Variants in BRIP1 observed in about 807,000 individuals in gnomAD.
BRIP1 encodes the protein BRCA1 interacting DNA helicase 1.
Under a neutral mutation model 119.7 loss-of-function variants are expected in BRIP1, and 88 were observed. That is an observed-to-expected ratio of 0.74 (90% CI 0.62 to 0.88). BRIP1 has a LOEUF of 0.88. BRIP1 is among the 40% of genes least tolerant of loss of function. BRIP1 has a pLI of 0.00. For synonymous variants in BRIP1, 443 were observed against 496.5 expected (o/e 0.89, Z 1.43); for missense variants, 1,259 against 1,455.4 (o/e 0.87, Z 2.20).
chr17:61,681,335 C>T lies in BRIP1; in HGVS notation c.*1961G>A, dbSNP rs2061266847. 4.8e-6 allele frequency: 1 copy of T among 210,394 alleles called. No homozygotes were observed. Among genetic ancestry groups the T allele is most frequent in the African/African-American group, 2.3e-5 (1 of 44,046 alleles). 13.0% of individuals were successfully genotyped at this position (210,394 alleles called of 1,614,324 possible). On this transcript the variant is annotated 3_prime_UTR_variant, in exon 20 of 20. Coordinates refer to ENST00000259008, the MANE Select transcript of BRIP1 (RefSeq NM_032043.3). This position sits in a 1 kb window ranked among gnomAD's most constrained non-coding sequence, Gnocchi z 5.1. Reference sequence around the variant, plus strand: ...GAACAAAAGCAAATGAAAATCGACTCAGAATATCAACAGACATTCCTTTAT... The same window carrying T: ...GAACAAAAGCAAATGAAAATCGACTTAGAATATCAACAGACATTCCTTTAT...
chr17:61,788,948 G>A lies in BRIP1; in HGVS notation c.1474-4524C>T, dbSNP rs574973390. 7.2e-5 allele frequency among the ~76,000 whole-genome samples: 11 copies of A among 152,078 alleles called. No individual in the cohort carries two copies. In the East Asian group the frequency reaches 1.4e-3, roughly 19 times the overall value. ...GTCTCTACAAAAAAATACAAAAAAT[G>A]AGCCAGGTGTGGTGGCATGCTTGTG... is the stretch of plus-strand genomic sequence containing the variant. On this transcript the variant is annotated intron_variant, in intron 10 of 19. Transcript: ENST00000259008.
At chr17:61,692,438 TAAGAA>T (rs1479038395) in intron 18 of BRIP1, among the ~76,000 whole-genome samples, 1 of 151,844 alleles carries the variant, frequency 6.6e-6, no homozygotes, top group East Asian at 1.9e-4. Flanking sequence ...CCAAAATATA[TAAGAA>T]ACTCCTATAT....
intron 6 of BRIP1, among the ~76,000 whole-genome samples, chr17:61,820,131 T>TG: frequency 6.6e-6 from 1 of 152,190 alleles, no homozygotes; most frequent in Non-Finnish European, 1.5e-5. Flanking sequence ...AATGACTATT[T>TG]GGGGAAAAAA....
chr17:61,780,523 T>G lies in BRIP1; in HGVS notation c.1795-122A>C. The G allele has an allele frequency of 1.1e-6, 1 of 916,628 alleles. No homozygotes were observed. Among genetic ancestry groups the G allele is most frequent in the Non-Finnish European group, 1.7e-6 (1 of 572,190 alleles). 56.8% of individuals were successfully genotyped at this position (916,628 alleles called of 1,614,324 possible). A position where few individuals can be genotyped will look rare whatever the true frequency, so the allele number is the denominator to read the frequency against. On this transcript the variant is annotated intron_variant, in intron 12 of 19. Coordinates refer to ENST00000259008, the MANE Select transcript of BRIP1 (RefSeq NM_032043.3). This position sits in a 1 kb window ranked among gnomAD's most constrained non-coding sequence, Gnocchi z 5.4. ...CAGGAAGATCGCTTGAGTCTAGGAGTCTGAGACCAGCCTGGGCAATATGGT... is the reference window on the plus strand; with the variant it reads ...CAGGAAGATCGCTTGAGTCTAGGAGGCTGAGACCAGCCTGGGCAATATGGT...
In BRIP1 at chr17:61,808,494, CT is replaced by C. The variant is rs786202610; in HGVS notation, c.890del (p.Lys297SerfsTer6). 9 of 1,613,720 alleles carry C rather than the reference CT, an allele frequency of 5.6e-6. No homozygotes were observed. Among genetic ancestry groups the C allele is most frequent in the Non-Finnish European group, 7.6e-6 (9 of 1,179,668 alleles). On this transcript the variant is annotated frameshift_variant, in exon 7 of 20. Coordinates refer to ENST00000259008, the MANE Select transcript of BRIP1 (RefSeq NM_032043.3). LOFTEE classifies it high-confidence loss of function. The surrounding 1 kb of genome is among the most constrained non-coding windows in gnomAD (Gnocchi z 4.1). ...EVVGNFNRNEKCMELLDGKNG... is the reference protein window; with the variant it reads ...EVVGNFNRNEXCMELLDGKNG... Reference sequence around the variant, plus strand: ...TTTTCCCATCTAGCAATTCCATGCACTTCTCATTTCTGTTGAAGTTACCGAC... The same window carrying C: ...TTTTCCCATCTAGCAATTCCATGCACTCTCATTTCTGTTGAAGTTACCGAC...
At position 61,842,500 on chromosome 17, in the gene BRIP1, ACT is replaced by A. The variant is rs1216713080; in HGVS notation, c.627+4599_627+4600del. Among the ~76,000 whole-genome samples the A allele has an allele frequency of 6.6e-6, 1 of 152,198 alleles. No individual in the cohort carries two copies. The highest frequency in any genetic ancestry group is 1.9e-4 in the East Asian group (1 of 5,204). On this transcript the variant is annotated intron_variant, in intron 6 of 19. Coordinates refer to ENST00000259008, the MANE Select transcript of BRIP1 (RefSeq NM_032043.3). The surrounding 1 kb of genome is among the most constrained non-coding windows in gnomAD (Gnocchi z 5.1). ...GTTTGAGGCGATGGATATGTTAATTACTCTGATTTGATCATTACACATCATAT... is the reference window on the plus strand; with the variant it reads ...GTTTGAGGCGATGGATATGTTAATTACTGATTTGATCATTACACATCATAT...
chr17:61,696,155 T>C (rs537501435), intron 17 of BRIP1, among the ~76,000 whole-genome samples: 4 of 152,216 alleles, frequency 2.6e-5, no homozygotes, highest in African/African-American at 9.6e-5. Context: ...TCCCACTTTG[T>C]TGAGTATTTT....
At chr17:61,783,473 A>G (rs181897606) in intron 11 of BRIP1, among the ~76,000 whole-genome samples, 9 of 152,286 alleles carry the variant, frequency 5.9e-5, no homozygotes, top group Non-Finnish European at 8.8e-5. Flanking sequence ...AATCTCTGGA[A>G]ATGAGTACAA....
intron 10 of BRIP1, among the ~76,000 whole-genome samples, chr17:61,790,744 A>T (rs1284716792): frequency 6.6e-6 from 1 of 151,512 alleles, no homozygotes; most frequent in Non-Finnish European, 1.5e-5. Flanking sequence ...GGTTCAGGTG[A>T]TCCTCCTGCC....
rs575447651 is a variant in BRIP1 at position 61,733,624 on chromosome 17, T to A, written c.2379+9389A>T. On this transcript the variant is annotated intron_variant, in intron 16 of 19. Coordinates refer to ENST00000259008, the MANE Select transcript of BRIP1 (RefSeq NM_032043.3). ...CAATCATAAATGTAATTTTAAAAAATTGATTAAAATAATATATACCCAAAT... is the reference window on the plus strand; with the variant it reads ...CAATCATAAATGTAATTTTAAAAAAATGATTAAAATAATATATACCCAAAT... 2.2e-4 allele frequency among the ~76,000 whole-genome samples: 33 copies of A among 152,164 alleles called. No individual in the cohort carries two copies. The East Asian group carries it at 3.7e-3, about 17-fold the overall frequency.
In BRIP1 at chr17:61,762,011, C is replaced by A. The variant is rs182295635; in HGVS notation, c.2097+14390G>T. ...TCACACGACCTGATTCCAAACCACA[C>A]TGCAAAGCTATAGTAATTAAAACAG... On this transcript the variant is annotated intron_variant, in intron 14 of 19. Coordinates refer to ENST00000259008, the MANE Select transcript of BRIP1 (RefSeq NM_032043.3). This position sits in a 1 kb window ranked among gnomAD's most constrained non-coding sequence, Gnocchi z 4.3. Among the ~76,000 whole-genome samples the A allele has an allele frequency of 6.6e-6, 1 of 152,116 alleles. No individual in the cohort carries two copies. The highest frequency in any genetic ancestry group is 6.6e-5 in the Admixed American group (1 of 15,246).
Position 61,735,557 on chromosome 17 carries a change from C to T in BRIP1, c.2379+7456G>A, listed in dbSNP as rs985459869. 2.0e-5 allele frequency among the ~76,000 whole-genome samples: 3 copies of T among 149,634 alleles called. No homozygotes were observed. Among genetic ancestry groups the T allele is most frequent in the Non-Finnish European group, 3.0e-5 (2 of 67,246 alleles). Reference sequence around the variant, plus strand: ...TAATCCCAGCACTTTGGGAGGCTGACGCGGGTGGATTACTTGAGCTCAGGA... The same window carrying T: ...TAATCCCAGCACTTTGGGAGGCTGATGCGGGTGGATTACTTGAGCTCAGGA... On this transcript the variant is annotated intron_variant, in intron 16 of 19. Coordinates refer to ENST00000259008, the MANE Select transcript of BRIP1 (RefSeq NM_032043.3). This position sits in a 1 kb window ranked among gnomAD's most constrained non-coding sequence, Gnocchi z 4.4.
chr17:61,697,555 T>C (rs1264601108), intron 17 of BRIP1, among the ~76,000 whole-genome samples: 1 of 152,002 alleles, frequency 6.6e-6, no homozygotes, highest in Non-Finnish European at 1.5e-5. Context: ...AACTTCTCTG[T>C]ATTTTCTTTG....
At chr17:61,697,336 C>CAAAAAAAAAAA (rs55963888) in intron 17 of BRIP1, among the ~76,000 whole-genome samples, 2 of 59,142 alleles carry the variant, frequency 3.4e-5, no homozygotes, top group Non-Finnish European at 5.8e-5. Flanking sequence ...GACTCTGTCT[C>CAAAAAAAAAAA]AAAAAAAAAA....
At position 61,701,487 on chromosome 17, in the gene BRIP1, C is replaced by A. The variant is rs1312563680; in HGVS notation, c.2493-7975G>T. Reference sequence around the variant, plus strand: ...TATATTGGGGCATAATTTCAATCCTCAGCACTGTAGGTAATAACTCTGATC... The same window carrying A: ...TATATTGGGGCATAATTTCAATCCTAAGCACTGTAGGTAATAACTCTGATC... On this transcript the variant is annotated intron_variant, in intron 17 of 19. Transcript: ENST00000259008. The surrounding 1 kb of genome is among the most constrained non-coding windows in gnomAD (Gnocchi z 5.1). Among the ~76,000 whole-genome samples the A allele has an allele frequency of 6.6e-6, 1 of 152,182 alleles. No individual in the cohort carries two copies. Among genetic ancestry groups the A allele is most frequent in the Non-Finnish European group, 1.5e-5 (1 of 68,036 alleles).
Position 61,681,926 on chromosome 17 carries a change from C to G in BRIP1, c.*1370G>C. On this transcript the variant is annotated 3_prime_UTR_variant, in exon 20 of 20. Coordinates refer to ENST00000259008, the MANE Select transcript of BRIP1 (RefSeq NM_032043.3). This position sits in a 1 kb window ranked among gnomAD's most constrained non-coding sequence, Gnocchi z 5.1. ...GACCATACAGAATTCTTGGATAGCT[C>G]ATAAAATTTCAATTCAAATTACTCA... 5.0e-6 allele frequency: 1 copy of G among 199,286 alleles called. No individual in the cohort carries two copies. The allele number at this position is 199,286 out of a possible 1,614,324, so 12.3% of individuals were successfully genotyped here.
At position 61,687,432 on chromosome 17, in the gene BRIP1, ACCTAT is replaced by A. The variant is rs200564732; in HGVS notation, c.2576-1272_2576-1268del. ...CATTTTTGCCTTTAGTTACTGTTTG[ACCTAT>A]GCTACTGCACACTTTACGTGGAAAG... On this transcript the variant is annotated intron_variant, in intron 18 of 19. Transcript: ENST00000259008. This position sits in a 1 kb window ranked among gnomAD's most constrained non-coding sequence, Gnocchi z 5.1. 0.033 allele frequency among the ~76,000 whole-genome samples: 4,991 copies of A among 152,078 alleles called. 315 individuals are homozygous for A. Among genetic ancestry groups the A allele is most frequent in the African/African-American group, 0.11 (4,737 of 41,448 alleles).
rs756119073 is a variant in BRIP1, at chr17:61,799,128, G to T, written c.1312C>A (p.Leu438Ile). 1 of 1,613,534 alleles carries T rather than the reference G, an allele frequency of 6.2e-7. No individual in the cohort carries two copies. Among genetic ancestry groups the T allele is most frequent in the South Asian group, 1.1e-5 (1 of 91,072 alleles). The change falls in exon 9 of 20, where the codon CTA becomes ATA. Residue 438 changes from leucine to isoleucine, a missense_variant. Coordinates refer to ENST00000259008, the MANE Select transcript of BRIP1 (RefSeq NM_032043.3). This position sits in a 1 kb window ranked among gnomAD's most constrained non-coding sequence, Gnocchi z 5.1. Reference sequence around the variant, plus strand: ...ATGAGGCTACAGCACACAGCTCGTAGGGGTTCATGATCTTTCTTCCTTATA... The same window carrying T: ...ATGAGGCTACAGCACACAGCTCGTATGGGTTCATGATCTTTCTTCCTTATA... Reference protein sequence around the residue: ...NNIRKKDHEPLRAVCCSLINW... With the variant: ...NNIRKKDHEPIRAVCCSLINW...
chr17:61,800,676 A>T (rs1007104615), intron 8 of BRIP1, among the ~76,000 whole-genome samples: 14 of 152,190 alleles, frequency 9.2e-5, no homozygotes, highest in Non-Finnish European at 1.9e-4. Context: ...TTAAGAGATA[A>T]CCAAATAAGA....
Sources: gnomAD v4.1 joint callset for allele counts (sites outside exome capture counted in the v4.1 genomes callset) on GRCh38, gnomAD v4.1.1 for gene constraint, Gnocchi (gnomAD v3.1) non-coding constraint, MANE v1.5 for transcripts, NCBI Gene and HGNC (gene_info 2026-07-23, HGNC 2026-07-21) for gene names.